The following SLC24A2 variants were observed in gnomAD, a reference collection of about 807,000 sequenced individuals.
SLC24A2 encodes sodium/potassium/calcium exchanger 2.
Under a neutral mutation model 62.0 loss-of-function variants are expected in SLC24A2, and 36 were observed. The ratio of observed to expected loss-of-function variants is 0.58; its 90% CI spans 0.44 to 0.77. The LOEUF (loss-of-function observed/expected upper bound fraction) is 0.77, where lower values mean the gene tolerates loss of function less well. SLC24A2 is among the 30% of genes least tolerant of loss of function. SLC24A2 has a pLI of 0.00. For missense variants in SLC24A2, 846 were observed against 817.9 expected (o/e 1.03, Z -0.42); for synonymous variants, 358 against 294.0 (o/e 1.22, Z -2.23).
At chr9:19,859,861 C>T in the SLC24A2 span, among the ~76,000 whole-genome samples, 1 of 152,116 alleles carries the variant, frequency 6.6e-6, no homozygotes, top group Non-Finnish European at 1.5e-5. Context: ...AAAACCAGAC[C>T]AAACTCAGCT....
intron 2 of SLC24A2, among the ~76,000 whole-genome samples, chr9:19,769,727 C>A (rs893637442): frequency 6.6e-6 from 1 of 152,140 alleles, no homozygotes; most frequent in East Asian, 1.9e-4. Context: ...GGGATCAGAG[C>A]CCATGTTCCA....
the SLC24A2 span, among the ~76,000 whole-genome samples, chr9:19,805,963 GAATA>G: frequency 6.6e-6 from 1 of 151,918 alleles, no homozygotes; most frequent in Admixed American, 6.6e-5. Context: ...TTGAATGAAT[GAATA>G]AAGTCTTTTT....
At chr9:19,687,269 A>C (rs1819910610) in intron 2 of SLC24A2, among the ~76,000 whole-genome samples, 1 of 152,074 alleles carries the variant, frequency 6.6e-6, no homozygotes, top group African/African-American at 2.4e-5. Context: ...ATGTTCCCCG[A>C]ACCTAAAATA....
At chr9:20,187,968 C>G in the SLC24A2 span, among the ~76,000 whole-genome samples, 1 of 152,186 alleles carries the variant, frequency 6.6e-6, no homozygotes, top group African/African-American at 2.4e-5. Flanking sequence ...TGCAGATCCT[C>G]AGGAGGTGGG....
At chr9:20,018,793 G>A in the SLC24A2 span, among the ~76,000 whole-genome samples, 1 of 151,962 alleles carries the variant, frequency 6.6e-6, no homozygotes, top group South Asian at 2.1e-4. Context: ...TTAAAAAGTA[G>A]GGTGGTATAC....
At chr9:19,954,259 T>G in the SLC24A2 span, among the ~76,000 whole-genome samples, 1 of 152,126 alleles carries the variant, frequency 6.6e-6, no homozygotes, top group Non-Finnish European at 1.5e-5. Context: ...TGGGGATACC[T>G]CTACTGCAAC....
At chr9:19,770,749 TGAGTCAGTAAG>T (rs1475404421) in intron 2 of SLC24A2, among the ~76,000 whole-genome samples, 12 of 152,184 alleles carry the variant, frequency 7.9e-5, no homozygotes, top group Non-Finnish European at 1.8e-4. Context: ...GACCATTCAG[TGAGTCAGTAAG>T]ATCCTCAGAA....
chr9:20,282,142 C>A, the SLC24A2 span, among the ~76,000 whole-genome samples: 10 of 152,020 alleles, frequency 6.6e-5, no homozygotes, highest in African/African-American at 2.4e-4. Context: ...ACTATTAAAA[C>A]TGACAAAAGG....
chr9:20,251,020 T>A, the SLC24A2 span, among the ~76,000 whole-genome samples: 1 of 152,210 alleles, frequency 6.6e-6, no homozygotes, highest in Non-Finnish European at 1.5e-5. Flanking sequence ...GGCTCCAGTG[T>A]TCGCTTCCTC....
At chr9:20,035,441 G>A in the SLC24A2 span, among the ~76,000 whole-genome samples, 1 of 152,192 alleles carries the variant, frequency 6.6e-6, no homozygotes, top group African/African-American at 2.4e-5. Flanking sequence ...GACTTCCAAT[G>A]AAAAATGAAG....
At chr9:19,666,399 C>A (rs1819254419) in intron 2 of SLC24A2, among the ~76,000 whole-genome samples, 1 of 152,066 alleles carries the variant, frequency 6.6e-6, no homozygotes, top group African/African-American at 2.4e-5. Flanking sequence ...AAGTGAGACA[C>A]TGTTTTAAAA....
the SLC24A2 span, among the ~76,000 whole-genome samples, chr9:20,033,108 C>T: frequency 6.6e-6 from 1 of 152,130 alleles, no homozygotes; most frequent in African/African-American, 2.4e-5. Flanking sequence ...AAATCTGCAT[C>T]TTAAATAAGC....
At chr9:19,541,627 C>T (rs1438182594) in intron 8 of SLC24A2, among the ~76,000 whole-genome samples, 25 of 147,742 alleles carry the variant, frequency 1.7e-4, no homozygotes, top group African/African-American at 4.0e-4. Flanking sequence ...GACAGGGACA[C>T]TTAAGTCTGC....
At chr9:20,026,001 A>G in the SLC24A2 span, among the ~76,000 whole-genome samples, 1 of 152,298 alleles carries the variant, frequency 6.6e-6, no homozygotes, top group South Asian at 2.1e-4. Flanking sequence ...ATTGATTAAA[A>G]GCTTGTTCTC....
At chr9:20,002,580 G>T in the SLC24A2 span, among the ~76,000 whole-genome samples, 39 of 152,000 alleles carry the variant, frequency 2.6e-4, no homozygotes, top group African/African-American at 3.6e-4. Context: ...TCCCACTGCT[G>T]GTACATCACA....
intron 10 of SLC24A2, among the ~76,000 whole-genome samples, chr9:19,518,065 G>A (rs543270104): frequency 3.3e-5 from 5 of 151,870 alleles, no homozygotes; most frequent in Admixed American, 1.3e-4. Flanking sequence ...TAATTCTATC[G>A]TCAAGAATTA....
chr9:20,283,678 G>T, the SLC24A2 span, among the ~76,000 whole-genome samples: 1 of 147,046 alleles, frequency 6.8e-6, no homozygotes, highest in Non-Finnish European at 1.5e-5. Flanking sequence ...GTTAGAACAG[G>T]AAAGAAAGGA....
At chr9:19,765,541 C>T (rs1450979007) in intron 2 of SLC24A2, among the ~76,000 whole-genome samples, 1 of 152,166 alleles carries the variant, frequency 6.6e-6, no homozygotes, top group African/African-American at 2.4e-5. Context: ...GATTTTATTT[C>T]TCCTTCATGT....
At chr9:19,747,461 T>A (rs1022315859) in intron 2 of SLC24A2, among the ~76,000 whole-genome samples, 21 of 152,316 alleles carry the variant, frequency 1.4e-4, no homozygotes, top group African/African-American at 4.8e-4. Context: ...AATCTCTTCA[T>A]CTGTAAAAGA....
Sources: allele counts gnomAD v4.1 joint callset (sites outside exome capture counted in the v4.1 genomes callset), GRCh38; gene constraint gnomAD v4.1.1; transcripts MANE v1.5; gene names NCBI Gene and HGNC (gene_info 2026-07-23, HGNC 2026-07-21).